The following PLD5 variants were observed in gnomAD, a reference collection of about 807,000 sequenced individuals.
PLD5 encodes phospholipase D family member 5, also known as inactive phospholipase D5.
In PLD5, 36 loss-of-function variants were observed where a neutral mutation model predicts 61.1. The observed-to-expected ratio is 0.59, with a 90% confidence interval of 0.45 to 0.78. PLD5 has a LOEUF of 0.78. Among genes scored for constraint, PLD5 ranks in the 30% least tolerant of loss-of-function variants. PLD5 has a pLI of 0.00. For synonymous variants in PLD5, 243 were observed against 242.8 expected (o/e 1.00, Z -0.01); for missense variants, 515 against 644.4 (o/e 0.80, Z 2.17).
At chr1:242,110,551 T>A (rs932930549) in intron 7 of PLD5, among the ~76,000 whole-genome samples, 1 of 152,178 alleles carries the variant, frequency 6.6e-6, no homozygotes, top group Non-Finnish European at 1.5e-5. Context: ...GGCTCATACC[T>A]GTAATCCTAG....
intron 4 of PLD5, among the ~76,000 whole-genome samples, chr1:242,258,005 C>T (rs1009284649): frequency 1.8e-4 from 27 of 152,182 alleles, no homozygotes; most frequent in Admixed American, 2.6e-4. Flanking sequence ...CGATTCATCA[C>T]GCTGCATAGC....
chr1:242,423,056 G>A (rs1353313796), intron 1 of PLD5, among the ~76,000 whole-genome samples: 1 of 151,826 alleles, frequency 6.6e-6, no homozygotes, highest in Non-Finnish European at 1.5e-5. Context: ...TCACTATGTT[G>A]CCCAGGCTGG....
At chr1:242,435,407 T>C (rs1665945093) in intron 1 of PLD5, among the ~76,000 whole-genome samples, 2 of 149,512 alleles carry the variant, frequency 1.3e-5, no homozygotes, top group Non-Finnish European at 2.9e-5. Flanking sequence ...CATCTGTGTG[T>C]TTTTTGTTGG....
intron 7 of PLD5, among the ~76,000 whole-genome samples, chr1:242,110,343 C>T (rs1215593373): frequency 6.6e-6 from 1 of 151,960 alleles, no homozygotes; most frequent in African/African-American, 2.4e-5. Flanking sequence ...CATTAATTCT[C>T]ATTAAATGTA....
intron 5 of PLD5, among the ~76,000 whole-genome samples, chr1:242,139,467 G>A (rs763666231): frequency 1.4e-4 from 22 of 151,740 alleles, no homozygotes; most frequent in Non-Finnish European, 1.5e-5. Context: ...TGTAGCTCTC[G>A]AACTGCTTCC....
chr1:242,103,945 C>A (rs1349184194), intron 8 of PLD5, among the ~76,000 whole-genome samples: 1 of 152,118 alleles, frequency 6.6e-6, no homozygotes, highest in Non-Finnish European at 1.5e-5. Context: ...TGGAAATTTA[C>A]AGTAAATTCT....
chr1:242,119,955 G>A (rs1662238328), intron 6 of PLD5, among the ~76,000 whole-genome samples: 1 of 152,118 alleles, frequency 6.6e-6, no homozygotes, highest in Admixed American at 6.6e-5. Flanking sequence ...GGTAAACAAA[G>A]TGTGGAATAT....
At chr1:242,108,505 C>T (rs1433490893) in intron 7 of PLD5, among the ~76,000 whole-genome samples, 11 of 152,154 alleles carry the variant, frequency 7.2e-5, no homozygotes, top group Admixed American at 6.5e-4. Flanking sequence ...TGGATTTCTG[C>T]GTGCATTTTC....
At chr1:242,298,742 T>C (rs531132488) in intron 2 of PLD5, among the ~76,000 whole-genome samples, 1 of 152,280 alleles carries the variant, frequency 6.6e-6, no homozygotes, top group African/African-American at 2.4e-5. Context: ...AGCCCCCTCC[T>C]TATTCTATAA....
intron 5 of PLD5, among the ~76,000 whole-genome samples, chr1:242,170,300 G>A (rs1031341771): frequency 2.0e-5 from 3 of 152,148 alleles, no homozygotes; most frequent in Non-Finnish European, 4.4e-5. Context: ...ACAGGGTCTG[G>A]AGTGGACCGC....
chr1:242,425,910 T>C (rs1363333697), intron 1 of PLD5, among the ~76,000 whole-genome samples: 2 of 152,174 alleles, frequency 1.3e-5, no homozygotes, highest in Non-Finnish European at 2.9e-5. Flanking sequence ...CCCAAAGTGC[T>C]GGGATTACAG....
intron 1 of PLD5, among the ~76,000 whole-genome samples, chr1:242,454,395 T>G (rs560811562): frequency 6.6e-6 from 1 of 151,192 alleles, no homozygotes; most frequent in East Asian, 1.9e-4. Flanking sequence ...TCATAAAGCA[T>G]GTAGGGATGG....
chr1:242,095,646 A>C (rs1660168049), intron 9 of PLD5, among the ~76,000 whole-genome samples: 1 of 152,148 alleles, frequency 6.6e-6, no homozygotes, highest in African/African-American at 2.4e-5. Context: ...ATTCCCACAA[A>C]AGAACATTTA....
At position 242,219,982 on chromosome 1, in the gene PLD5, G is replaced by C; in HGVS notation, c.735+6C>G. The C allele has an allele frequency of 6.2e-7, 1 of 1,612,954 alleles. No homozygotes were observed. The highest frequency in any genetic ancestry group is 8.5e-7 in the Non-Finnish European group (1 of 1,178,970). On this transcript the variant is annotated splice_donor_region_variant and intron_variant, in intron 5 of 9. Coordinates refer to ENST00000536534, the MANE Select transcript of PLD5 (RefSeq NM_001372062.1). ...ACATTGAGTTTACATAACGTAGAAA[G>C]CTTACCTGTCCCAGGGATTGCCAGT...
At chr1:242,501,956 A>T (rs748407046) in intron 1 of PLD5, among the ~76,000 whole-genome samples, 74 of 152,234 alleles carry the variant, frequency 4.9e-4, no homozygotes, top group Middle Eastern at 6.8e-3. Flanking sequence ...TTAATAACAT[A>T]TATTGACTTG....
At chr1:242,400,680 C>G (rs1225681545) in intron 1 of PLD5, among the ~76,000 whole-genome samples, 1 of 152,124 alleles carries the variant, frequency 6.6e-6, no homozygotes, top group Admixed American at 6.6e-5. Context: ...GGACCTAAAT[C>G]CAAGGTTCTC....
intron 1 of PLD5, among the ~76,000 whole-genome samples, chr1:242,436,260 AT>A (rs1345761890): frequency 1.3e-5 from 2 of 152,192 alleles, no homozygotes; most frequent in Non-Finnish European, 2.9e-5. Context: ...CGTAGGTCTT[AT>A]TTTTCATCCT....
chr1:242,464,749 A>T (rs1315797938), intron 1 of PLD5, among the ~76,000 whole-genome samples: 1 of 152,220 alleles, frequency 6.6e-6, no homozygotes. Context: ...GAAACAGCCC[A>T]AATGTCCATC....
chr1:242,506,001 AT>A (rs1668707024), intron 1 of PLD5, among the ~76,000 whole-genome samples: 1 of 152,070 alleles, frequency 6.6e-6, no homozygotes, highest in Non-Finnish European at 1.5e-5. Context: ...AAAAGCTCCC[AT>A]TTTTGTCTTA....
Sources: allele counts gnomAD v4.1 joint callset (sites outside exome capture counted in the v4.1 genomes callset), GRCh38; gene constraint gnomAD v4.1.1; transcripts MANE v1.5; gene names NCBI Gene and HGNC (gene_info 2026-07-23, HGNC 2026-07-21).